The following DCT variants were observed in gnomAD, a reference collection of about 807,000 sequenced individuals.
DCT encodes the protein dopachrome tautomerase.
Under a neutral mutation model 53.0 loss-of-function variants are expected in DCT, and 47 were observed. The ratio of observed to expected loss-of-function variants is 0.89; its 90% CI spans 0.70 to 1.13. The LOEUF (loss-of-function observed/expected upper bound fraction) is 1.13. Among genes scored for constraint, DCT ranks in the 50% most tolerant of loss-of-function variants. DCT has a pLI of 0.00. For synonymous variants in DCT, 244 were observed against 237.0 expected, an observed-to-expected ratio of 1.03 and a Z score of -0.27; for missense variants, 669 against 637.4, an observed-to-expected ratio of 1.05 and a Z score of -0.53.
At chr13:94,465,439 T>G in intron 4 of DCT, 194 bp downstream of exon 4, 16 of 301,916 alleles carry the variant, frequency 5.3e-5, no homozygotes, top group African/African-American at 1.2e-4. Context: ...ACAAATGTGA[T>G]TTTGATATTT....
At chr13:94,542,069 T>G in the DCT span, among the ~76,000 whole-genome samples, 1 of 152,224 alleles carries the variant, frequency 6.6e-6, no homozygotes, top group Non-Finnish European at 1.5e-5. Context: ...GAAACTGACA[T>G]GAAACAGACT....
chr13:94,474,222 A>C lies in DCT; in HGVS notation c.295+4739T>G, dbSNP rs559754299. On this transcript the variant is annotated intron_variant, in intron 1 of 7. Transcript: ENST00000377028. The stretch of plus-strand genomic sequence containing the variant: ...CAGTGAAAATTAAATTTAAAGAGTC[A>C]AAGTCTCATGTTTACAAAGGACTAT... Among the ~76,000 whole-genome samples the C allele has an allele frequency of 9.9e-5, 15 of 150,912 alleles. No individual in the cohort carries two copies. In the South Asian group the frequency reaches 3.1e-3, roughly 32 times the overall value.
At chr13:94,521,477 C>G in the DCT span, among the ~76,000 whole-genome samples, 1 of 152,192 alleles carries the variant, frequency 6.6e-6, no homozygotes, top group Non-Finnish European at 1.5e-5. Context: ...TCGAGACCAG[C>G]CTACCAATGG....
chr13:94,541,632 C>A, the DCT span, among the ~76,000 whole-genome samples: 1 of 152,156 alleles, frequency 6.6e-6, no homozygotes, highest in African/African-American at 2.4e-5. Flanking sequence ...ACTGCAATTA[C>A]TTCTGCACCC....
the DCT span, among the ~76,000 whole-genome samples, chr13:94,530,319 G>A: frequency 1.3e-5 from 2 of 152,172 alleles, no homozygotes; most frequent in Non-Finnish European, 2.9e-5. Flanking sequence ...ACCAAAGACT[G>A]GTAGAGACAC....
chr13:94,450,776 T>G (rs1399652765), intron 6 of DCT, among the ~76,000 whole-genome samples: 1 of 152,164 alleles, frequency 6.6e-6, no homozygotes, highest in Non-Finnish European at 1.5e-5. Context: ...AAGGTGATGC[T>G]AGAAGAGATT....
rs1882120226 is a variant in DCT at position 94,439,546 on chromosome 13, A to C, written c.*352T>G. On this transcript the variant is annotated 3_prime_UTR_variant, in exon 8 of 8. Coordinates refer to ENST00000377028, the MANE Select transcript of DCT (RefSeq NM_001922.5). ...TTGCACTGACCTGCAAATTTAAATG[A>C]CTCCCCTGGATCAATGTTTTGGGAT... 6.2e-6 allele frequency: 1 copy of C among 161,388 alleles called. No homozygotes were observed. The highest frequency in any genetic ancestry group is 2.6e-5 in the African/African-American group (1 of 38,844). The allele number at this position is 161,388 out of a possible 1,614,324, so 10.0% of individuals were successfully genotyped here.
In DCT at chr13:94,443,519, A is replaced by G; in HGVS notation, c.1298T>C (p.Val433Ala). 1 of 1,613,962 alleles carries G rather than the reference A, an allele frequency of 6.2e-7. No homozygotes were observed. Among genetic ancestry groups the G allele is most frequent in the Non-Finnish European group, 8.5e-7 (1 of 1,179,872 alleles). ...ATTAGTCACTGGAGGGAAGAAAGGA[A>G]CCATGTTGTACATCCGATTGTGACC... is the stretch of plus-strand genomic sequence containing the variant. ...PIGHNRMYNM[V>A]PFFPPVTNEE... The change falls in exon 7 of 8, where the codon GTT (valine) becomes GCT (alanine). Residue 433 changes from valine to alanine, a missense_variant. Coordinates refer to ENST00000377028, the MANE Select transcript of DCT (RefSeq NM_001922.5).
the DCT span, among the ~76,000 whole-genome samples, chr13:94,486,647 C>T: frequency 2.0e-5 from 3 of 152,136 alleles, no homozygotes; most frequent in South Asian, 2.1e-4. Context: ...TCCAGGAAAG[C>T]TGTACTTCCC....
At chr13:94,513,116 C>T in the DCT span, among the ~76,000 whole-genome samples, 7 of 152,234 alleles carry the variant, frequency 4.6e-5, no homozygotes, top group East Asian at 3.8e-4. Flanking sequence ...TCCTGATTCA[C>T]GTCTGTGCTT....
At chr13:94,474,388 C>T (rs993073708) in intron 1 of DCT, among the ~76,000 whole-genome samples, 2 of 152,138 alleles carry the variant, frequency 1.3e-5, no homozygotes, top group Non-Finnish European at 2.9e-5. Flanking sequence ...CTCTAAATAG[C>T]CTATTCCTTT....
chr13:94,452,598 T>C (rs1883167974), intron 6 of DCT: 1 of 759,920 alleles, frequency 1.3e-6, no homozygotes, highest in African/African-American at 1.7e-5. Flanking sequence ...TTCTATTCTC[T>C]TTACTTACCT....
chr13:94,527,968 TG>T, the DCT span, among the ~76,000 whole-genome samples: 4 of 152,172 alleles, frequency 2.6e-5, no homozygotes, highest in Non-Finnish European at 4.4e-5. Context: ...CTGAAAACCA[TG>T]GCACGAGAAC....
At chr13:94,470,583 C>G (rs945550291) in intron 1 of DCT, among the ~76,000 whole-genome samples, 1 of 152,150 alleles carries the variant, frequency 6.6e-6, no homozygotes, top group South Asian at 2.1e-4. Flanking sequence ...AAAGGGATTA[C>G]GTAAAGCATT....
chr13:94,530,569 G>T, the DCT span, among the ~76,000 whole-genome samples: 1 of 152,144 alleles, frequency 6.6e-6, no homozygotes, highest in Non-Finnish European at 1.5e-5. Context: ...TGCAGAAAAG[G>T]CCTTCGACAA....
At chr13:94,515,666 A>G in the DCT span, among the ~76,000 whole-genome samples, 5 of 152,154 alleles carry the variant, frequency 3.3e-5, no homozygotes, top group Non-Finnish European at 7.3e-5. Context: ...TGTTCAGAAA[A>G]AGAGAAGCTT....
intron 4 of DCT, among the ~76,000 whole-genome samples, chr13:94,463,632 T>C (rs1883968105): frequency 6.6e-6 from 1 of 152,174 alleles, no homozygotes; most frequent in African/African-American, 2.4e-5. Flanking sequence ...GGTTTCACTA[T>C]GTTACTCAGG....
intron 6 of DCT, chr13:94,445,544 G>A (rs912998753): frequency 8.3e-6 from 5 of 598,852 alleles, no homozygotes; most frequent in Admixed American, 5.9e-5. Context: ...AAAGATGCTA[G>A]GCTAGAACTG....
chr13:94,450,445 G>A (rs1883003305), intron 6 of DCT, among the ~76,000 whole-genome samples: 1 of 152,144 alleles, frequency 6.6e-6, no homozygotes, highest in African/African-American at 2.4e-5. Context: ...AAAACAGAGA[G>A]TATTTCTCAG....
Sources: gnomAD v4.1 joint callset for allele counts (sites outside exome capture counted in the v4.1 genomes callset) on GRCh38, gnomAD v4.1.1 for gene constraint, MANE v1.5 for transcripts, NCBI Gene and HGNC (gene_info 2026-07-23, HGNC 2026-07-21) for gene names.